Variants in GPC5 observed in about 807,000 individuals in gnomAD.
GPC5 encodes the protein glypican 5.
A neutral mutation model predicts 53.9 loss-of-function variants in GPC5; 47 were observed. The ratio of observed to expected loss-of-function variants is 0.87; its 90% CI spans 0.69 to 1.11. The LOEUF is 1.11. Among genes scored for constraint, GPC5 ranks in the 50% most tolerant of loss-of-function variants. GPC5 has a pLI of 0.00. For missense variants in GPC5, 748 were observed against 713.1 expected, an observed-to-expected ratio of 1.05 and a Z score of -0.56; for synonymous variants, 286 against 263.3, an observed-to-expected ratio of 1.09 and a Z score of -0.84.
intron 7 of GPC5, among the ~76,000 whole-genome samples, chr13:92,583,152 T>G (rs1883425176): frequency 6.6e-6 from 1 of 152,180 alleles, no homozygotes. Context: ...TGTGTTAAGG[T>G]ACATTCATCC....
At chr13:91,778,045 G>C (rs1357242219) in intron 5 of GPC5, among the ~76,000 whole-genome samples, 1 of 151,546 alleles carries the variant, frequency 6.6e-6, no homozygotes, top group Non-Finnish European at 1.5e-5. Flanking sequence ...CAAATTCTAG[G>C]GATGGCTAAA....
chr13:91,618,345 A>G (rs1224908422), intron 2 of GPC5, among the ~76,000 whole-genome samples: 1 of 152,108 alleles, frequency 6.6e-6, no homozygotes, highest in Non-Finnish European at 1.5e-5. Context: ...TTATATTTAT[A>G]TGACATTTCT....
intron 1 of GPC5, among the ~76,000 whole-genome samples, chr13:91,410,620 A>G (rs111699937): frequency 0.023 from 3,462 of 152,040 alleles, 140 homozygotes; most frequent in African/African-American, 0.078. Flanking sequence ...AGCTGGGATT[A>G]CAGGCGTGAG....
chr13:92,771,712 T>G (rs1423168948), intron 7 of GPC5, among the ~76,000 whole-genome samples: 1 of 152,142 alleles, frequency 6.6e-6, no homozygotes, highest in Non-Finnish European at 1.5e-5. Flanking sequence ...CAGTGCTTAT[T>G]CAACCATATT....
At chr13:91,983,357 G>C (rs896152404) in intron 6 of GPC5, among the ~76,000 whole-genome samples, 2 of 151,842 alleles carry the variant, frequency 1.3e-5, no homozygotes, top group African/African-American at 2.4e-5. Flanking sequence ...AAAAAAAAAG[G>C]ACCCAAGGGA....
intron 6 of GPC5, among the ~76,000 whole-genome samples, chr13:91,988,847 CA>C (rs2040432360): frequency 6.7e-6 from 1 of 149,786 alleles, no homozygotes; most frequent in Non-Finnish European, 1.5e-5. Context: ...AGCACTTGGT[CA>C]AAACCTCAAT....
intron 7 of GPC5, among the ~76,000 whole-genome samples, chr13:92,479,497 AG>A (rs1266143952): frequency 6.6e-6 from 1 of 152,204 alleles, no homozygotes; most frequent in Non-Finnish European, 1.5e-5. Flanking sequence ...GAGAGAATTC[AG>A]GTGATGAAGT....
At chr13:91,796,986 A>G (rs1488018941) in intron 5 of GPC5, among the ~76,000 whole-genome samples, 3 of 152,090 alleles carry the variant, frequency 2.0e-5, no homozygotes, top group Non-Finnish European at 2.9e-5. Context: ...ATATTATAGT[A>G]TTACTCTACT....
chr13:92,713,584 G>A (rs1217081787), intron 7 of GPC5, among the ~76,000 whole-genome samples: 57 of 149,048 alleles, frequency 3.8e-4, no homozygotes, highest in South Asian at 1.5e-3. Flanking sequence ...CTCCAGCTTG[G>A]ACGACAGAGC....
At chr13:91,591,878 CT>C (rs1334119056) in intron 2 of GPC5, among the ~76,000 whole-genome samples, 1 of 152,212 alleles carries the variant, frequency 6.6e-6, no homozygotes, top group Non-Finnish European at 1.5e-5. Flanking sequence ...TGGGTTTCAA[CT>C]TTCTCCTGAA....
At chr13:91,598,283 C>CT (rs1348274553) in intron 2 of GPC5, among the ~76,000 whole-genome samples, 1 of 151,546 alleles carries the variant, frequency 6.6e-6, no homozygotes, top group East Asian at 1.9e-4. Context: ...TGACGATGCA[C>CT]TTTTTATATT....
intron 7 of GPC5, among the ~76,000 whole-genome samples, chr13:92,646,462 C>T (rs571879821): frequency 3.3e-5 from 5 of 152,150 alleles, no homozygotes; most frequent in East Asian, 1.9e-4. Context: ...GAATCCTCCA[C>T]GTTTGTTCTT....
rs115405724 is a variant in GPC5 at position 91,465,364 on chromosome 13, T to C, written c.325+16442T>C. On this transcript the variant is annotated intron_variant, in intron 2 of 7. Transcript: ENST00000377067. Reference sequence around the variant, plus strand: ...CACCCCGAATAGTTACCCTAGATCTTTGTCTCTTTAATTTTGCCTTTTCCA... The same window carrying C: ...CACCCCGAATAGTTACCCTAGATCTCTGTCTCTTTAATTTTGCCTTTTCCA... 4.2e-3 allele frequency among the ~76,000 whole-genome samples: 633 copies of C among 152,274 alleles called. 8 individuals are homozygous for C. Among genetic ancestry groups the C allele is most frequent in the African/African-American group, 0.015 (609 of 41,566 alleles).
chr13:92,643,050 T>C (rs12871899), intron 7 of GPC5, among the ~76,000 whole-genome samples: 51,982 of 152,002 alleles, frequency 0.34, 10,119 homozygotes, highest in Non-Finnish European at 0.45. Context: ...TCATGTCCTT[T>C]GCCCACTTTT....
At chr13:92,167,275 G>A (rs2042038425) in intron 7 of GPC5, among the ~76,000 whole-genome samples, 1 of 152,000 alleles carries the variant, frequency 6.6e-6, no homozygotes, top group Non-Finnish European at 1.5e-5. Flanking sequence ...TATTTACAAC[G>A]CTTAAGTATT....
chr13:91,629,354 T>C (rs905050199), intron 2 of GPC5, among the ~76,000 whole-genome samples: 1 of 152,092 alleles, frequency 6.6e-6, no homozygotes, highest in African/African-American at 2.4e-5. Context: ...AAATTTATTT[T>C]TTTTCAGGCT....
At chr13:91,974,805 A>G (rs1433762080) in intron 6 of GPC5, among the ~76,000 whole-genome samples, 1 of 151,836 alleles carries the variant, frequency 6.6e-6, no homozygotes, top group Non-Finnish European at 1.5e-5. Context: ...AGAGCCCACA[A>G]TGCCAAGACA....
chr13:91,601,017 TG>T (rs1594314419), intron 2 of GPC5, among the ~76,000 whole-genome samples: 2 of 152,192 alleles, frequency 1.3e-5, no homozygotes, highest in East Asian at 3.8e-4. Flanking sequence ...TGAATTTAGC[TG>T]TGTCTGGAAC....
Position 92,444,976 on chromosome 13 carries a change from T to C in GPC5, c.1561+299987T>C, listed in dbSNP as rs965946279. ...CTATTTTCAGGTAGTTCAGGTGGCA[T>C]ACATAGTCCTCTGGTTAGAAGAATG... On this transcript the variant is annotated intron_variant, in intron 7 of 7. Coordinates refer to ENST00000377067, the MANE Select transcript of GPC5 (RefSeq NM_004466.6). Among the ~76,000 whole-genome samples the C allele has an allele frequency of 5.3e-5, 8 of 152,238 alleles. No homozygotes were observed. The East Asian group carries it at 9.7e-4, about 18-fold the overall frequency.
Sources: gnomAD v4.1 joint callset for allele counts (sites outside exome capture counted in the v4.1 genomes callset) on GRCh38, gnomAD v4.1.1 for gene constraint, MANE v1.5 for transcripts, NCBI Gene and HGNC (gene_info 2026-07-23, HGNC 2026-07-21) for gene names.